The following CIRSR variants were observed in gnomAD, a reference collection of about 807,000 sequenced individuals.
CIRSR encodes the protein CBF1 (RBPJ) interacting corepressor 1.
chr2:174,393,037 G>C, the CIRSR span, among the ~76,000 whole-genome samples: 1 of 152,294 alleles, frequency 6.6e-6, no homozygotes, highest in Non-Finnish European at 1.5e-5. Flanking sequence ...AGCAGGCTAA[G>C]AATAAAGATC....
the CIRSR span, among the ~76,000 whole-genome samples, chr2:174,384,026 G>A: frequency 6.6e-6 from 1 of 152,060 alleles, no homozygotes; most frequent in Non-Finnish European, 1.5e-5. Context: ...CCACTCCTAG[G>A]TATATACCCA....
At chr2:174,384,363 TG>T in the CIRSR span, among the ~76,000 whole-genome samples, 14 of 152,154 alleles carry the variant, frequency 9.2e-5, no homozygotes, top group Non-Finnish European at 1.6e-4. Flanking sequence ...CCAGGGGCTG[TG>T]GGCCAAGGGG....
At chr2:174,381,559 AG>A in the CIRSR span, 1 of 581,878 alleles carries the variant, frequency 1.7e-6, no homozygotes, top group South Asian at 2.9e-5. Flanking sequence ...AGGCTGAGGC[AG>A]GAGAATTGCT....
At chr2:174,354,539 ATATAT>A in the CIRSR span, among the ~76,000 whole-genome samples, 3 of 53,462 alleles carry the variant, frequency 5.6e-5, no homozygotes, top group African/African-American at 7.0e-5. Flanking sequence ...ATATTATATA[ATATAT>A]ATTATATTAT....
chr2:174,366,465 TGAA>T, the CIRSR span, among the ~76,000 whole-genome samples: 12 of 151,946 alleles, frequency 7.9e-5, no homozygotes, highest in African/African-American at 2.4e-4. Context: ...CCTTCAAAAG[TGAA>T]GAAGAAATAA....
chr2:174,358,984 G>A, the CIRSR span, among the ~76,000 whole-genome samples: 1 of 152,210 alleles, frequency 6.6e-6, no homozygotes, highest in Non-Finnish European at 1.5e-5. Context: ...GTGGGCCACT[G>A]TGCCCAGCCC....
chr2:174,393,223 G>A, the CIRSR span, among the ~76,000 whole-genome samples: 8 of 151,914 alleles, frequency 5.3e-5, no homozygotes, highest in African/African-American at 1.9e-4. Context: ...AAAGAGCTTG[G>A]ACCACAATGT....
chr2:174,352,205 TCACACACACACACACACACACATACACA>T, the CIRSR span, among the ~76,000 whole-genome samples: 1 of 150,258 alleles, frequency 6.7e-6, no homozygotes, highest in Admixed American at 6.6e-5. Flanking sequence ...TGGTTGCTAA[TCACACACACACACACACACACATACACA>T]CACACACACA....
chr2:174,378,919 C>T, the CIRSR span: 2 of 1,592,158 alleles, frequency 1.3e-6, no homozygotes, highest in Non-Finnish European at 1.7e-6. Context: ...TGTCTAGTGC[C>T]TACCTGAGCC....
At chr2:174,390,390 G>A in the CIRSR span, among the ~76,000 whole-genome samples, 1 of 152,204 alleles carries the variant, frequency 6.6e-6, no homozygotes, top group Admixed American at 6.5e-5. Flanking sequence ...TGTCCAAATT[G>A]TCCCATTGGG....
the CIRSR span, among the ~76,000 whole-genome samples, chr2:174,386,662 C>T: frequency 1.1e-4 from 16 of 152,182 alleles, no homozygotes; most frequent in Non-Finnish European, 2.1e-4. Context: ...AACATTGCCA[C>T]GTTCCCTGGG....
the CIRSR span, among the ~76,000 whole-genome samples, chr2:174,349,342 G>A: frequency 2.6e-5 from 4 of 151,806 alleles, no homozygotes; most frequent in African/African-American, 4.8e-5. Flanking sequence ...CACGGCGGGC[G>A]GATCACAAGG....
the CIRSR span, chr2:174,380,808 T>C: frequency 1.3e-6 from 2 of 1,595,460 alleles, no homozygotes; most frequent in South Asian, 2.2e-5. Flanking sequence ...CTTTACCTCT[T>C]TGTTTTCTTG....
the CIRSR span, among the ~76,000 whole-genome samples, chr2:174,368,476 G>T: frequency 6.6e-6 from 1 of 152,016 alleles, no homozygotes; most frequent in Non-Finnish European, 1.5e-5. Context: ...AATAAACACA[G>T]GAGTCAAAAA....
the CIRSR span, chr2:174,387,638 C>A: frequency 6.5e-7 from 1 of 1,531,784 alleles, no homozygotes; most frequent in South Asian, 1.2e-5. Context: ...AAATTATTCC[C>A]ATGAAATTGA....
the CIRSR span, among the ~76,000 whole-genome samples, chr2:174,377,750 G>A: frequency 2.0e-4 from 28 of 137,244 alleles, no homozygotes; most frequent in African/African-American, 6.1e-4. Flanking sequence ...GCTTGAGCCC[G>A]GAAATTGGAG....
the CIRSR span, among the ~76,000 whole-genome samples, chr2:174,377,824 C>CAAAAAAAA: frequency 2.0e-4 from 12 of 60,064 alleles, no homozygotes; most frequent in East Asian, 6.7e-3. Context: ...GACGCCATCT[C>CAAAAAAAA]AAAAAAAAAA....
At chr2:174,358,481 A>T in the CIRSR span, 1 of 153,942 alleles carries the variant, frequency 6.5e-6, no homozygotes, top group Non-Finnish European at 1.5e-5. Flanking sequence ...CAAATGATCC[A>T]CCAGCCTTGG....
the CIRSR span, among the ~76,000 whole-genome samples, chr2:174,370,921 A>AG: frequency 9.2e-5 from 14 of 151,740 alleles, no homozygotes; most frequent in African/African-American, 1.4e-4. Context: ...AAAAAAAAAA[A>AG]AAAAGAAAAG....
Sources: allele counts gnomAD v4.1 joint callset (sites outside exome capture counted in the v4.1 genomes callset), GRCh38; gene constraint gnomAD v4.1.1; transcripts MANE v1.5; gene names NCBI Gene and HGNC (gene_info 2026-07-23, HGNC 2026-07-21).